The following PTPN5 variants were observed in gnomAD, a reference collection of about 807,000 sequenced individuals.
PTPN5 encodes the protein protein tyrosine phosphatase non-receptor type 5.
In PTPN5, 29 loss-of-function variants were observed where a neutral mutation model predicts 73.9. The observed-to-expected ratio is 0.39, with a 90% CI of 0.29 to 0.54. The LOEUF (loss-of-function observed/expected upper bound fraction) is 0.54, where lower values mean the gene tolerates loss of function less well. Among genes scored for constraint, PTPN5 ranks in the 20% least tolerant of loss-of-function variants. The probability of loss-of-function intolerance (pLI) is 0.65; values close to 1 mark genes in which losing one functional copy is unlikely to be tolerated. For synonymous variants in PTPN5, 267 were observed against 304.7 expected, an observed-to-expected ratio of 0.88 and a Z score of 1.29; for missense variants, 652 against 751.4, an observed-to-expected ratio of 0.87 and a Z score of 1.55.
intron 1 of PTPN5, among the ~76,000 whole-genome samples, chr11:18,785,905 T>C (rs1288048232): frequency 1.3e-5 from 2 of 152,200 alleles, no homozygotes; most frequent in Non-Finnish European, 2.9e-5. Flanking sequence ...CCATGATGCT[T>C]GTTCCCTTAC....
At position 18,742,475 on chromosome 11, in the gene PTPN5, T is replaced by A; in HGVS notation, c.512A>T (p.Glu171Val). ...CTCAGGGGGCAGTGGGGTGGGTGGC[T>A]CTGGGGGTGTCCTCAGGAGGTGCCA... ...LVWHLLRTPPEPPTPLPPEDR... is the reference protein window; with the variant it reads ...LVWHLLRTPPVPPTPLPPEDR... Residue 171 changes from glutamate to valine, a missense_variant, in exon 7 of 15, where the codon GAG becomes GTG. Transcript: ENST00000358540. The surrounding 1 kb of genome is among the most constrained non-coding windows in gnomAD (Gnocchi z 4.1). The A allele has an allele frequency of 6.2e-7, 1 of 1,613,856 alleles. No individual in the cohort carries two copies. The highest frequency in any genetic ancestry group is 8.5e-7 in the Non-Finnish European group (1 of 1,179,986).
intron 3 of PTPN5, among the ~76,000 whole-genome samples, chr11:18,752,494 G>T (rs917081449): frequency 2.6e-5 from 4 of 152,202 alleles, no homozygotes; most frequent in African/African-American, 9.7e-5. Context: ...GGCAACTGGG[G>T]TCGGTGGATG....
chr11:18,763,574 T>A (rs1850497122), intron 3 of PTPN5, among the ~76,000 whole-genome samples: 1 of 152,242 alleles, frequency 6.6e-6, no homozygotes, highest in African/African-American at 2.4e-5. Context: ...ATTTAACCTA[T>A]TATGCTTATT....
intron 1 of PTPN5, among the ~76,000 whole-genome samples, chr11:18,785,086 C>T (rs10766505): frequency 0.55 from 83,680 of 151,786 alleles, 26,072 homozygotes; most frequent in South Asian, 0.69. Flanking sequence ...ACTCCTGACC[C>T]CAAATGATCC....
At chr11:18,738,359 C>A (rs371180793) in intron 8 of PTPN5, among the ~76,000 whole-genome samples, 121 of 152,278 alleles carry the variant, frequency 7.9e-4, no homozygotes, top group African/African-American at 2.9e-3. Context: ...GTAACACACA[C>A]CCCATCCTCA....
At chr11:18,741,626 TGG>T (rs996829707) in intron 7 of PTPN5, among the ~76,000 whole-genome samples, 2 of 152,052 alleles carry the variant, frequency 1.3e-5, no homozygotes, top group African/African-American at 4.8e-5. Flanking sequence ...GTGTGCTCTG[TGG>T]AACACTATGA....
intron 3 of PTPN5, among the ~76,000 whole-genome samples, chr11:18,753,191 A>G (rs554712400): frequency 1.3e-5 from 2 of 152,346 alleles, no homozygotes; most frequent in East Asian, 3.9e-4. Context: ...CCCCCAGGAC[A>G]GCAGGGCAAA....
intron 9 of PTPN5, among the ~76,000 whole-genome samples, chr11:18,736,709 G>C (rs577708171): frequency 2.0e-5 from 3 of 152,200 alleles, no homozygotes; most frequent in Non-Finnish European, 4.4e-5. Context: ...TGGAGGCTCA[G>C]GGCATGGTTG....
chr11:18,777,183 A>C (rs944401279), intron 1 of PTPN5, among the ~76,000 whole-genome samples: 3 of 150,106 alleles, frequency 2.0e-5, no homozygotes, highest in African/African-American at 7.3e-5. Context: ...CAAACAAACA[A>C]CACCATAAAA....
At chr11:18,744,744 G>A (rs533179021) in intron 3 of PTPN5, among the ~76,000 whole-genome samples, 1 of 152,282 alleles carries the variant, frequency 6.6e-6, no homozygotes, top group East Asian at 1.9e-4. Flanking sequence ...GGGGCAGTTA[G>A]GGCGAAGTGC....
chr11:18,740,949 AG>A (rs933802170), intron 7 of PTPN5, among the ~76,000 whole-genome samples, 157 bp from the exon 8 acceptor site: 2 of 151,970 alleles, frequency 1.3e-5, no homozygotes, highest in African/African-American at 4.8e-5. Context: ...CCCCTGACAA[AG>A]AAGCGTGAAT....
Position 18,733,321 on chromosome 11 carries a change from T to C in PTPN5, c.1132A>G (p.Ser378Gly). Residue 378 changes from serine to glycine, a missense_variant, in exon 11 of 15, where the codon AGC becomes GGC. Transcript: ENST00000358540. This position sits in a 1 kb window ranked among gnomAD's most constrained non-coding sequence, Gnocchi z 4.3. ...ATGCGCCAGAAGTCGGCGACCGTGC[T>C]GACGATGGGTCCCTGAGTGGCGATG... ...VYIATQGPIV[S>G]TVADFWRMVW... 1 of 1,614,180 alleles carries C rather than the reference T, an allele frequency of 6.2e-7. No homozygotes were observed. Among genetic ancestry groups the C allele is most frequent in the Non-Finnish European group, 8.5e-7 (1 of 1,180,020 alleles).
At chr11:18,734,221 T>G (rs1431607603) in intron 9 of PTPN5, among the ~76,000 whole-genome samples, 1 of 152,244 alleles carries the variant, frequency 6.6e-6, no homozygotes, top group African/African-American at 2.4e-5. Flanking sequence ...TGACGGAGGC[T>G]ATTAACATGA....
rs1849349648 is a variant in PTPN5, at chr11:18,741,213, C to T, written c.726-421G>A. Among the ~76,000 whole-genome samples, 4 of 152,138 alleles carry T rather than the reference C, an allele frequency of 2.6e-5. No individual in the cohort carries two copies. In the South Asian group the frequency reaches 6.2e-4, roughly 24 times the overall value. On this transcript the variant is annotated intron_variant, in intron 7 of 14. Coordinates refer to ENST00000358540, the MANE Select transcript of PTPN5 (RefSeq NM_006906.2). The stretch of plus-strand genomic sequence containing the variant: ...CCGAGAGGATGGCTCCAGACCCTCC[C>T]CACTGCAGTCCCGGGCCCAACAGCC...
intron 1 of PTPN5, 80 bp downstream of exon 1, chr11:18,791,445 G>C (rs961717644): frequency 1.1e-4 from 16 of 152,124 alleles, no homozygotes; most frequent in African/African-American, 3.6e-4. Context: ...TGTCAGTTGC[G>C]GGGCCGCCCG....
intron 2 of PTPN5, among the ~76,000 whole-genome samples, chr11:18,769,160 C>T (rs1179254806): frequency 6.6e-6 from 1 of 152,194 alleles, no homozygotes; most frequent in Non-Finnish European, 1.5e-5. Context: ...GTGCTGAGCA[C>T]CTCCTGTGAG....
At chr11:18,753,697 C>T (rs1437449150) in intron 3 of PTPN5, among the ~76,000 whole-genome samples, 1 of 152,090 alleles carries the variant, frequency 6.6e-6, no homozygotes, top group Non-Finnish European at 1.5e-5. Context: ...TCACACAGTC[C>T]CCAAGGGAGC....
Position 18,733,839 on chromosome 11 carries a change from G to A in PTPN5, c.1001-204C>T, listed in dbSNP as rs1483435060. ...TGAGGAGGAGGGTGGAGAGAGAGGG[G>A]GGTCCCCGGGTCTCTACCTCTGTCT... On this transcript the variant is annotated intron_variant, in intron 9 of 14. Transcript: ENST00000358540. This position sits in a 1 kb window ranked among gnomAD's most constrained non-coding sequence, Gnocchi z 4.3. Among the ~76,000 whole-genome samples the A allele has an allele frequency of 1.3e-5, 2 of 152,208 alleles. No individual in the cohort carries two copies. The highest frequency in any genetic ancestry group is 3.8e-4 in the East Asian group (2 of 5,196).
intron 1 of PTPN5, among the ~76,000 whole-genome samples, chr11:18,782,744 T>G (rs1564933314): frequency 6.6e-6 from 1 of 152,198 alleles, no homozygotes; most frequent in Non-Finnish European, 1.5e-5. Context: ...ACACTTAAGA[T>G]CTATACATTG....
Sources: gnomAD v4.1 joint callset for allele counts (sites outside exome capture counted in the v4.1 genomes callset) on GRCh38, gnomAD v4.1.1 for gene constraint, Gnocchi (gnomAD v3.1) non-coding constraint, MANE v1.5 for transcripts, NCBI Gene and HGNC (gene_info 2026-07-23, HGNC 2026-07-21) for gene names.